The following COL24A1 variants were observed in gnomAD, a reference collection of about 807,000 sequenced individuals.
COL24A1 encodes collagen type XXIV alpha 1 chain, also known as collagen alpha-1(XXIV) chain.
Under a neutral mutation model 253.9 loss-of-function variants are expected in COL24A1, and 224 were observed. The observed-to-expected ratio is 0.88, with a 90% CI of 0.79 to 0.99. The LOEUF (loss-of-function observed/expected upper bound fraction) is 0.99. COL24A1 is among the 50% of genes least tolerant of loss of function. The pLI, the probability that COL24A1 is intolerant of heterozygous loss-of-function variation, is 0.00. For missense variants in COL24A1, 2,131 were observed against 2,068.5 expected (o/e 1.03, Z -0.59); for synonymous variants, 685 against 673.7 (o/e 1.02, Z -0.26).
chr1:86,093,961 A>G (rs1046070456), intron 5 of COL24A1, among the ~76,000 whole-genome samples: 1 of 152,188 alleles, frequency 6.6e-6, no homozygotes, highest in Non-Finnish European at 1.5e-5. Flanking sequence ...AACAGACAGA[A>G]TGGCTATTTT....
chr1:85,947,064 C>G (rs920536028), intron 24 of COL24A1, among the ~76,000 whole-genome samples: 2 of 152,142 alleles, frequency 1.3e-5, no homozygotes, highest in Non-Finnish European at 2.9e-5. Flanking sequence ...TGAACAGATG[C>G]TTAATAAGTA....
chr1:85,797,150 C>T (rs945474135), intron 47 of COL24A1, among the ~76,000 whole-genome samples: 5 of 138,810 alleles, frequency 3.6e-5, no homozygotes, highest in Admixed American at 8.3e-5. Context: ...GAGGTTGCAG[C>T]GAGCTGAGAT....
chr1:86,066,363 G>C (rs560284442), intron 7 of COL24A1, among the ~76,000 whole-genome samples: 4 of 149,806 alleles, frequency 2.7e-5, no homozygotes, highest in Admixed American at 1.3e-4. Context: ...CTCAGCCTCC[G>C]GAGTAGCTGG....
At chr1:86,052,517 T>C (rs180916042) in intron 10 of COL24A1, among the ~76,000 whole-genome samples, 1 of 152,074 alleles carries the variant, frequency 6.6e-6, no homozygotes, top group Non-Finnish European at 1.5e-5. Context: ...ACTTGCATGA[T>C]GTACTTATAG....
chr1:85,906,264 C>T (rs200978475), intron 28 of COL24A1, among the ~76,000 whole-genome samples: 1,611 of 77,648 alleles, frequency 0.021, 19 homozygotes, highest in Middle Eastern at 0.062. Flanking sequence ...ACTGCAAGGT[C>T]TTTTTTTTTT....
At chr1:86,033,438 A>G (rs72716132) in intron 13 of COL24A1, among the ~76,000 whole-genome samples, 3,312 of 152,234 alleles carry the variant, frequency 0.022, 68 homozygotes, top group Non-Finnish European at 0.034. Flanking sequence ...CTCTTTCTCA[A>G]TCTGAACATT....
chr1:85,870,240 T>C (rs1680302501), intron 35 of COL24A1, among the ~76,000 whole-genome samples: 1 of 152,032 alleles, frequency 6.6e-6, no homozygotes, highest in Admixed American at 6.6e-5. Context: ...TCCCACACAA[T>C]AATAATGGGA....
chr1:86,050,466 G>A (rs1277016745), intron 10 of COL24A1, among the ~76,000 whole-genome samples: 1 of 151,966 alleles, frequency 6.6e-6, no homozygotes, highest in Non-Finnish European at 1.5e-5. Flanking sequence ...TATATGATTA[G>A]CTAAAATTTA....
intron 2 of COL24A1, among the ~76,000 whole-genome samples, chr1:86,135,768 A>T (rs1650140488): frequency 6.6e-6 from 1 of 151,876 alleles, no homozygotes; most frequent in African/African-American, 2.4e-5. Flanking sequence ...GATAAGGGGG[A>T]CATATTTGGT....
At chr1:86,041,699 G>A (rs1571710712) in intron 12 of COL24A1, among the ~76,000 whole-genome samples, 2 of 151,962 alleles carry the variant, frequency 1.3e-5, no homozygotes, top group South Asian at 2.1e-4. Context: ...ATGAATCAGT[G>A]TACTTAGGCT....
rs150568384 is a variant in COL24A1 at position 86,056,493 on chromosome 1, A to G, written c.1851+1438T>C. On this transcript the variant is annotated intron_variant, in intron 10 of 59. Coordinates refer to ENST00000370571, the MANE Select transcript of COL24A1 (RefSeq NM_152890.7). ...ATGAAAGTATTTGGAAATGTTTAAT[A>G]CTTTTTTAAAATGTAAGACATCATT... Among the ~76,000 whole-genome samples the G allele has an allele frequency of 4.6e-5, 7 of 152,340 alleles. No individual in the cohort carries two copies. In the East Asian group the frequency reaches 1.4e-3, roughly 29 times the overall value.
Position 85,841,242 on chromosome 1 carries a change from G to T in COL24A1, c.3607C>A (p.Pro1203Thr). Reference sequence around the variant, plus strand: ...CCTACTGGTTCACCTCGAGGCCCAGGTGGTCCTAGGACTGTGCTATCTTCT... The same window carrying T: ...CCTACTGGTTCACCTCGAGGCCCAGTTGGTCCTAGGACTGTGCTATCTTCT... ...PGEDSTVLGP[P>T]GPRGEPGPVG... is the part of the protein sequence containing the mutation. The change falls in exon 42 of 60, where the codon CCT becomes ACT. Residue 1203 changes from proline to threonine, a missense_variant. Physicochemically the swap from Pro to Thr is conservative, Grantham distance 38 (BLOSUM62 -1). Coordinates refer to ENST00000370571, the MANE Select transcript of COL24A1 (RefSeq NM_152890.7). 2 of 1,603,790 alleles carry T rather than the reference G, an allele frequency of 1.2e-6. No homozygotes were observed. The highest frequency in any genetic ancestry group is 1.1e-5 in the South Asian group (1 of 88,824).
Position 85,802,231 on chromosome 1 carries a change from C to A in COL24A1, c.3951+14557G>T, listed in dbSNP as rs185325947. The stretch of plus-strand genomic sequence containing the variant: ...TGAGCTTAAACCTCAATGAGGTCTA[C>A]TCTCTTTAGATAATGCTCAATTACC... On this transcript the variant is annotated intron_variant, in intron 47 of 59. Transcript: ENST00000370571. Among the ~76,000 whole-genome samples the A allele has an allele frequency of 2.2e-4, 34 of 152,306 alleles. No homozygotes were observed. The East Asian group carries it at 3.3e-3, about 15-fold the overall frequency.
chr1:86,102,169 G>T (rs930045209), intron 5 of COL24A1, among the ~76,000 whole-genome samples: 1 of 151,948 alleles, frequency 6.6e-6, no homozygotes, highest in East Asian at 1.9e-4. Context: ...TCCAGTTTTG[G>T]TGCATAGAAG....
intron 12 of COL24A1, among the ~76,000 whole-genome samples, chr1:86,042,075 A>G (rs553941417): frequency 1.3e-5 from 2 of 152,274 alleles, no homozygotes; most frequent in East Asian, 1.9e-4. Flanking sequence ...AAGAAGTCAG[A>G]ACTACACCTC....
intron 59 of COL24A1, among the ~76,000 whole-genome samples, chr1:85,733,990 C>A (rs1663786654): frequency 6.6e-6 from 1 of 151,738 alleles, no homozygotes; most frequent in African/African-American, 2.4e-5. Flanking sequence ...GCAACCTCCG[C>A]TTCCTGGGTT....
In COL24A1 at chr1:85,889,573, A is replaced by G; in HGVS notation, c.2963T>C (p.Leu988Pro). ...GLPGSTGDRG[L>P]PGEPGLRGLQ... is the part of the protein sequence containing the mutation. Reference sequence around the variant, plus strand: ...AGATAAACTTACTGGCTCTCCTGGAAGTCCTCTGTCACCTGTACTTCCAGG... The same window carrying G: ...AGATAAACTTACTGGCTCTCCTGGAGGTCCTCTGTCACCTGTACTTCCAGG... Residue 988 changes from leucine to proline, a missense_variant, in exon 32 of 60, where the codon CTT (leucine) becomes CCT (proline). Coordinates refer to ENST00000370571, the MANE Select transcript of COL24A1 (RefSeq NM_152890.7). The G allele has an allele frequency of 8.1e-6, 13 of 1,613,092 alleles. No individual in the cohort carries two copies. Among genetic ancestry groups the G allele is most frequent in the Non-Finnish European group, 9.3e-6 (11 of 1,179,246 alleles).
At chr1:86,103,547 C>T (rs1704658063) in intron 5 of COL24A1, among the ~76,000 whole-genome samples, 1 of 152,122 alleles carries the variant, frequency 6.6e-6, no homozygotes, top group Admixed American at 6.6e-5. Flanking sequence ...GTGTTTCCTT[C>T]AGGAGCTCTT....
At position 86,156,437 on chromosome 1, in the gene COL24A1, C is replaced by G. The variant is rs776624667; in HGVS notation, c.-41G>C. 1 of 1,594,382 alleles carries G rather than the reference C, an allele frequency of 6.3e-7. No individual in the cohort carries two copies. Among genetic ancestry groups the G allele is most frequent in the African/African-American group, 1.3e-5 (1 of 74,076 alleles). On this transcript the variant is annotated 5_prime_UTR_variant, in exon 1 of 60. Transcript: ENST00000370571. ...CGTGCAGCAAAGCGCTAACGGAAAA[C>G]AGAAGCCAACTCTGAACTGCTTAGG...
Sources: allele counts gnomAD v4.1 joint callset (sites outside exome capture counted in the v4.1 genomes callset), GRCh38; gene constraint gnomAD v4.1.1; transcripts MANE v1.5; gene names NCBI Gene and HGNC (gene_info 2026-07-23, HGNC 2026-07-21).